Variants in GRM5 observed in about 807,000 individuals in gnomAD.
GRM5 encodes glutamate metabotropic receptor 5.
A neutral mutation model predicts 83.1 loss-of-function variants in GRM5; 19 were observed. The observed-to-expected ratio is 0.23, with a 90% CI of 0.16 to 0.34. The LOEUF (loss-of-function observed/expected upper bound fraction) is 0.34, where lower values mean the gene tolerates loss of function less well. GRM5 is among the 10% of genes least tolerant of loss of function. The pLI is 1.00. For missense variants in GRM5, 1,160 were observed against 1,588.3 expected, an observed-to-expected ratio of 0.73 and a Z score of 4.58; for synonymous variants, 675 against 633.6, an observed-to-expected ratio of 1.07 and a Z score of -0.98.
intron 3 of GRM5, among the ~76,000 whole-genome samples, chr11:88,672,316 A>C (rs2135334038): frequency 6.6e-6 from 1 of 152,134 alleles, no homozygotes; most frequent in Middle Eastern, 3.4e-3. Flanking sequence ...ACTATGTTCC[A>C]AGCCTAAGTC....
intron 2 of GRM5, among the ~76,000 whole-genome samples, chr11:89,036,077 T>C (rs1941377573): frequency 6.6e-6 from 1 of 152,066 alleles, no homozygotes; most frequent in South Asian, 2.1e-4. Context: ...CAAAAGTACT[T>C]GAAGTATAGC....
At chr11:88,570,571 A>ATATATATATATATACATATTT (rs1405339448) in intron 7 of GRM5, among the ~76,000 whole-genome samples, 5 of 46,376 alleles carry the variant, frequency 1.1e-4, no homozygotes, top group South Asian at 7.8e-4. Context: ...ATATATATAT[A>ATATATATATATATACATATTT]TTTTTTTTTT....
chr11:88,985,524 G>C (rs554547688), intron 2 of GRM5, among the ~76,000 whole-genome samples: 1 of 151,946 alleles, frequency 6.6e-6, no homozygotes, highest in Admixed American at 6.5e-5. Flanking sequence ...TTCGGACTAT[G>C]TTTTAATAAA....
rs567640059 is a variant in GRM5 at position 88,925,691 on chromosome 11, C to T, written c.662-75536G>A. ...ATTTGGAAGGCTGAAGCAAGCAGAT[C>T]ACTTGAGGCCAAGAGTTGAAGACCA... On this transcript the variant is annotated intron_variant, in intron 2 of 9. Coordinates refer to ENST00000305447, the MANE Select transcript of GRM5 (RefSeq NM_001143831.3). 316 of 448,960 alleles carry T rather than the reference C, an allele frequency of 7.0e-4. 7 individuals are homozygous for T. Among genetic ancestry groups the T allele is most frequent in the South Asian group, 4.8e-3 (308 of 63,616 alleles). 27.8% of individuals were successfully genotyped at this position (448,960 alleles called of 1,614,324 possible).
chr11:88,881,093 T>C (rs1315280008), intron 2 of GRM5, among the ~76,000 whole-genome samples: 2 of 152,060 alleles, frequency 1.3e-5, no homozygotes, highest in African/African-American at 2.4e-5. Flanking sequence ...AGGATTTATA[T>C]AGTCAGGGGA....
intron 2 of GRM5, among the ~76,000 whole-genome samples, chr11:88,991,449 A>G (rs1204377132): frequency 6.6e-6 from 1 of 152,080 alleles, no homozygotes; most frequent in Non-Finnish European, 1.5e-5. Flanking sequence ...AAGGTAATTT[A>G]TAGATTCAAT....
chr11:88,874,939 C>G (rs577985583), intron 2 of GRM5, among the ~76,000 whole-genome samples: 31 of 152,068 alleles, frequency 2.0e-4, no homozygotes, highest in African/African-American at 7.0e-4. Flanking sequence ...TCTGTGCCTT[C>G]AGCAAGGCAT....
At chr11:88,661,026 T>A (rs1406543196) in intron 3 of GRM5, among the ~76,000 whole-genome samples, 1 of 152,174 alleles carries the variant, frequency 6.6e-6, no homozygotes, top group Admixed American at 6.5e-5. Context: ...AATATGTGGA[T>A]ATAGTGGTGA....
chr11:88,937,645 T>C (rs1937943497), intron 2 of GRM5, among the ~76,000 whole-genome samples: 1 of 151,730 alleles, frequency 6.6e-6, no homozygotes, highest in African/African-American at 2.4e-5. Flanking sequence ...TTTGTTGGAC[T>C]CTGCATGTCT....
chr11:88,513,846 C>T (rs1193238626), intron 9 of GRM5, among the ~76,000 whole-genome samples: 1 of 152,114 alleles, frequency 6.6e-6, no homozygotes, highest in Non-Finnish European at 1.5e-5. Context: ...TAGAGCATAG[C>T]CCTTCTGCAA....
At chr11:88,929,083 T>A (rs997097365) in intron 2 of GRM5, among the ~76,000 whole-genome samples, 13 of 152,092 alleles carry the variant, frequency 8.5e-5, no homozygotes, top group African/African-American at 2.9e-4. Flanking sequence ...AAATTCATCA[T>A]GTGAAATTGG....
intron 3 of GRM5, among the ~76,000 whole-genome samples, chr11:88,676,811 G>T (rs6483358): frequency 0.96 from 146,113 of 152,168 alleles, 70,446 homozygotes; most frequent in East Asian, 1. Context: ...ATTCATTTAA[G>T]TAACACATTT....
At chr11:88,686,766 A>T (rs1940633118) in intron 3 of GRM5, among the ~76,000 whole-genome samples, 1 of 152,108 alleles carries the variant, frequency 6.6e-6, no homozygotes, top group Admixed American at 6.5e-5. Context: ...CTGCCATGTA[A>T]GAAGTGCCTT....
At chr11:89,036,293 G>A (rs941098007) in intron 2 of GRM5, among the ~76,000 whole-genome samples, 2 of 151,904 alleles carry the variant, frequency 1.3e-5, no homozygotes, top group African/African-American at 2.4e-5. Flanking sequence ...TACCTTTTTC[G>A]TGCAATTGCA....
rs1942173095 is a variant in GRM5 at position 88,537,938 on chromosome 11, A to T, written c.2631-12534T>A. Among the ~76,000 whole-genome samples, 2 of 152,170 alleles carry T rather than the reference A, an allele frequency of 1.3e-5. 1 individual carries two copies. Among genetic ancestry groups the T allele is most frequent in the South Asian group, 4.1e-4 (2 of 4,830 alleles). ...TGTTCTGTGAAAATAATGGAAAGGT[A>T]AAAGCTGAAAAGTGGGGAAGCAATG... On this transcript the variant is annotated intron_variant, in intron 8 of 9. Coordinates refer to ENST00000305447, the MANE Select transcript of GRM5 (RefSeq NM_001143831.3).
intron 3 of GRM5, among the ~76,000 whole-genome samples, chr11:88,668,857 C>G (rs1250229551): frequency 6.6e-6 from 1 of 152,104 alleles, no homozygotes; most frequent in Non-Finnish European, 1.5e-5. Context: ...ATGCTTTTAT[C>G]AAGTTGACTG....
At chr11:88,919,732 G>C (rs1482068630) in intron 2 of GRM5, among the ~76,000 whole-genome samples, 1 of 151,786 alleles carries the variant, frequency 6.6e-6, no homozygotes, top group Non-Finnish European at 1.5e-5. Flanking sequence ...ATATTAAATA[G>C]CAATAACAAG....
rs74801574 is a variant in GRM5 at position 88,766,333 on chromosome 11, G to C, written c.911+83573C>G. ...ACTACGGGGCTCCCATAACCAAAAT[G>C]GCACGGTACTGGTACACAAACAGAC... is the stretch of plus-strand genomic sequence containing the variant. On this transcript the variant is annotated intron_variant, in intron 3 of 9. Transcript: ENST00000305447. Among the ~76,000 whole-genome samples, 519 of 151,878 alleles carry C rather than the reference G, an allele frequency of 3.4e-3. 4 individuals carry two copies. The highest frequency in any genetic ancestry group is 0.012 in the African/African-American group (490 of 41,500).
At chr11:89,062,055 T>C (rs1029565708) in intron 1 of GRM5, among the ~76,000 whole-genome samples, 9 of 152,218 alleles carry the variant, frequency 5.9e-5, no homozygotes, top group African/African-American at 2.2e-4. Context: ...GGGAGAAGGC[T>C]GGAAATTTGA....
Sources: allele counts gnomAD v4.1 joint callset (sites outside exome capture counted in the v4.1 genomes callset), GRCh38; gene constraint gnomAD v4.1.1; transcripts MANE v1.5; gene names NCBI Gene and HGNC (gene_info 2026-07-23, HGNC 2026-07-21).